The following MED13L variants were observed in gnomAD, a reference collection of about 807,000 sequenced individuals.
MED13L encodes mediator complex subunit 13L, also known as mediator of RNA polymerase II transcription subunit 13-like.
Under a neutral mutation model 220.9 loss-of-function variants are expected in MED13L, and 7 were observed. The ratio of observed to expected loss-of-function variants is 0.03; its 90% confidence interval spans 0.02 to 0.06. The LOEUF is 0.06. Among genes scored for constraint, MED13L ranks in the 10% least tolerant of loss-of-function variants. The pLI is 1.00. For missense variants in MED13L, 1,965 were observed against 2,760.5 expected (o/e 0.71, Z 6.46); for synonymous variants, 1,011 against 1,015.2 (o/e 1.00, Z 0.08).
At chr12:116,112,065 A>C (rs1406249345) in intron 2 of MED13L, among the ~76,000 whole-genome samples, 1 of 152,176 alleles carries the variant, frequency 6.6e-6, no homozygotes, top group African/African-American at 2.4e-5. Context: ...CTGAATTTAT[A>C]ATTTTGTTAA....
intron 30 of MED13L, 70 bp from the exon 31 acceptor site, chr12:115,961,468 C>T (rs1875750233): frequency 6.3e-7 from 1 of 1,585,044 alleles, no homozygotes. Flanking sequence ...GATTCTAATA[C>T]ATTCCAGATC....
chr12:116,116,613 T>C (rs539800127), intron 2 of MED13L, among the ~76,000 whole-genome samples: 5 of 151,998 alleles, frequency 3.3e-5, no homozygotes, highest in Non-Finnish European at 7.4e-5. Context: ...CCCAGATTTA[T>C]AGCCAATTGG....
At chr12:116,031,742 AAAGAAAAGAAAAGAAAAGAAGG>A (rs1880819473) in intron 4 of MED13L, among the ~76,000 whole-genome samples, 1 of 64,846 alleles carries the variant, frequency 1.5e-5, no homozygotes, top group Non-Finnish European at 2.6e-5. Flanking sequence ...AAAGAAAAGA[AAAGAAAAGAAAAGAAAAGAAGG>A]AAGGAAGGAA....
Position 115,983,164 on chromosome 12 carries a change from A to G in MED13L, c.4908T>C (p.Thr1636=), listed in dbSNP as rs1407159429. The part of the protein sequence containing the change: ...TQGNIGCGGD[T]DPGQSSSQPS... ...GCTGAGAAGAGCTCTGCCCAGGGTC[A>G]GTGTCTCCACCACAGCCTATGTTCC... The change falls in exon 21 of 31, where the codon ACT becomes ACC. Residue 1636 remains threonine, a synonymous_variant. Transcript: ENST00000281928. 6.2e-7 allele frequency: 1 copy of G among 1,614,106 alleles called. No individual in the cohort carries two copies. Among genetic ancestry groups the G allele is most frequent in the Non-Finnish European group, 8.5e-7 (1 of 1,179,998 alleles).
At chr12:116,120,469 T>TCA (rs1317946558) in intron 2 of MED13L, among the ~76,000 whole-genome samples, 121 of 129,800 alleles carry the variant, frequency 9.3e-4, no homozygotes, top group Admixed American at 3.2e-3. Context: ...TCTCTCTCTC[T>TCA]CTCTCTCTCA....
intron 10 of MED13L, 167 bp downstream of exon 10, chr12:116,008,234 A>G (rs1057390770): frequency 9.4e-6 from 9 of 961,312 alleles, no homozygotes; most frequent in Admixed American, 5.8e-5. Flanking sequence ...GTGCTAACCT[A>G]TAAGTAGGAC....
chr12:116,061,293 T>C (rs1869460714), intron 4 of MED13L, among the ~76,000 whole-genome samples: 1 of 152,222 alleles, frequency 6.6e-6, no homozygotes, highest in African/African-American at 2.4e-5. Flanking sequence ...GATGCATTTT[T>C]ATTTTTAAAT....
chr12:115,969,233 A>G, intron 27 of MED13L, 136 bp from the exon 28 acceptor site: 2 of 985,184 alleles, frequency 2.0e-6, no homozygotes, highest in Admixed American at 4.1e-5. Flanking sequence ...AATAACTTAG[A>G]TTCAGTTAGG....
At position 116,156,943 on chromosome 12, in the gene MED13L, T is replaced by C. The variant is rs1438039932; in HGVS notation, c.311-45431A>G. Among the ~76,000 whole-genome samples, 11 of 152,252 alleles carry C rather than the reference T, an allele frequency of 7.2e-5. 1 individual carries two copies. The highest frequency in any genetic ancestry group is 3.4e-3 in the Middle Eastern group (1 of 294). ...AACTAGACAGAAGGAGCCCAGATTCTTGACACCATGATAAAACTACCGTAA... is the reference window on the plus strand; with the variant it reads ...AACTAGACAGAAGGAGCCCAGATTCCTGACACCATGATAAAACTACCGTAA... On this transcript the variant is annotated intron_variant, in intron 2 of 30. Transcript: ENST00000281928.
At chr12:116,057,780 C>T (rs1312450632) in intron 4 of MED13L, among the ~76,000 whole-genome samples, 1 of 151,908 alleles carries the variant, frequency 6.6e-6, no homozygotes, top group Non-Finnish European at 1.5e-5. Context: ...AAAATGTGCT[C>T]AGATATTCAA....
At chr12:116,241,642 T>C (rs981033515) in intron 1 of MED13L, among the ~76,000 whole-genome samples, 4 of 152,180 alleles carry the variant, frequency 2.6e-5, no homozygotes, top group African/African-American at 7.2e-5. Flanking sequence ...TACCACCTAA[T>C]CTGTTTTTTA....
At chr12:116,135,730 G>A (rs1010209874) in intron 2 of MED13L, among the ~76,000 whole-genome samples, 3 of 152,116 alleles carry the variant, frequency 2.0e-5, no homozygotes, top group Admixed American at 6.6e-5. Context: ...TTCAAATAGG[G>A]AGAGGAGCAA....
chr12:116,115,712 G>A (rs1053315028), intron 2 of MED13L, among the ~76,000 whole-genome samples: 4 of 151,788 alleles, frequency 2.6e-5, no homozygotes, highest in Non-Finnish European at 5.9e-5. Context: ...TGAACAGACG[G>A]TTCACCAAGT....
chr12:116,040,890 C>T (rs144810975), intron 4 of MED13L, among the ~76,000 whole-genome samples: 16 of 151,946 alleles, frequency 1.1e-4, no homozygotes, highest in African/African-American at 3.9e-4. Context: ...TATGATGCAT[C>T]AATTGACCTA....
intron 2 of MED13L, among the ~76,000 whole-genome samples, chr12:116,138,495 A>T (rs1876780605): frequency 6.6e-6 from 1 of 152,202 alleles, no homozygotes; most frequent in Non-Finnish European, 1.5e-5. Context: ...GCCAAGCTGG[A>T]ATGCTCACAA....
At chr12:116,146,360 T>C (rs943846041) in intron 2 of MED13L, among the ~76,000 whole-genome samples, 4 of 152,106 alleles carry the variant, frequency 2.6e-5, no homozygotes, top group African/African-American at 9.7e-5. Context: ...GACCTTGTGA[T>C]CTGCCAGCCT....
In MED13L at chr12:115,991,035, A is replaced by G. The variant is rs2137304477; in HGVS notation, c.3919T>C (p.Trp1307Arg). Residue 1307 changes from tryptophan (W) to arginine (R), a missense_variant, in exon 17 of 31, where the codon TGG becomes CGG. By Grantham distance (101) the Trp-to-Arg change is moderately radical (BLOSUM62 -3). This residue lies in a region of MED13L where 165 missense variants were observed against 190.8 expected (regional missense o/e 0.86). Coordinates refer to ENST00000281928, the MANE Select transcript of MED13L (RefSeq NM_015335.5). The surrounding 1 kb of genome is among the most constrained non-coding windows in gnomAD (Gnocchi z 7.7). The stretch of plus-strand genomic sequence containing the variant: ...GGACACCTACCATTGCTGTGAGGCC[A>G]AGAGTGCACAGTGGCACTTCTCACC... ...ALVRSATVHS[W>R]PHSNVLDISM... is the part of the protein sequence containing the mutation. 6.2e-7 allele frequency: 1 copy of G among 1,614,072 alleles called. No homozygotes were observed. Among genetic ancestry groups the G allele is most frequent in the Non-Finnish European group, 8.5e-7 (1 of 1,180,016 alleles).
intron 2 of MED13L, among the ~76,000 whole-genome samples, chr12:116,153,816 T>C (rs1388066537): frequency 6.6e-6 from 1 of 152,210 alleles, no homozygotes; most frequent in Admixed American, 6.5e-5. Flanking sequence ...GTGCTGAGAA[T>C]GTATTTTCCC....
intron 14 of MED13L, among the ~76,000 whole-genome samples, chr12:116,000,487 C>A (rs1369545696): frequency 2.0e-5 from 3 of 152,166 alleles, no homozygotes; most frequent in Non-Finnish European, 4.4e-5. Flanking sequence ...GGATGGAAGA[C>A]CTCCAACAAA....
Sources: allele counts gnomAD v4.1 joint callset (sites outside exome capture counted in the v4.1 genomes callset), GRCh38; gene constraint gnomAD v4.1.1; regional missense constraint gnomAD v4.1.1; non-coding constraint Gnocchi (gnomAD v3.1); transcripts MANE v1.5; gene names NCBI Gene and HGNC (gene_info 2026-07-23, HGNC 2026-07-21).